The following LHFPL6 variants were observed in gnomAD, a reference collection of about 807,000 sequenced individuals.
The protein encoded by LHFPL6 is LHFPL tetraspan subfamily member 6 protein.
A neutral mutation model predicts 20.6 loss-of-function variants in LHFPL6; 9 were observed. That is an observed-to-expected ratio of 0.44 (90% confidence interval 0.26 to 0.76). LHFPL6 has a LOEUF of 0.76. Among genes scored for constraint, LHFPL6 ranks in the 30% least tolerant of loss-of-function variants. LHFPL6 has a pLI of 0.20. For missense variants in LHFPL6, 218 were observed against 253.5 expected (o/e 0.86, Z 0.95); for synonymous variants, 105 against 98.7 (o/e 1.06, Z -0.38).
intron 3 of LHFPL6, among the ~76,000 whole-genome samples, chr13:39,350,621 C>A (rs1281735218): frequency 6.6e-6 from 1 of 152,210 alleles, no homozygotes; most frequent in Non-Finnish European, 1.5e-5. Flanking sequence ...GTGATCCTTT[C>A]AGGAAATTAG....
At chr13:39,483,592 T>C (rs1485675756) in intron 2 of LHFPL6, among the ~76,000 whole-genome samples, 2 of 151,970 alleles carry the variant, frequency 1.3e-5, no homozygotes, top group Non-Finnish European at 2.9e-5. Context: ...TGTTTTGCTA[T>C]AGATTCCTTT....
intron 2 of LHFPL6, among the ~76,000 whole-genome samples, chr13:39,491,129 G>A (rs1868911849): frequency 6.6e-6 from 1 of 152,164 alleles, no homozygotes; most frequent in Non-Finnish European, 1.5e-5. Context: ...AACGAGAAAC[G>A]TATTTGCAAG....
At chr13:39,381,424 G>GT (rs1335205446) in intron 2 of LHFPL6, among the ~76,000 whole-genome samples, 1 of 152,130 alleles carries the variant, frequency 6.6e-6, no homozygotes, top group Non-Finnish European at 1.5e-5. Flanking sequence ...AGGGACCTTG[G>GT]TTTTAACAAT....
chr13:39,409,571 A>G (rs1466693821), intron 2 of LHFPL6, among the ~76,000 whole-genome samples: 4 of 152,234 alleles, frequency 2.6e-5, no homozygotes, highest in Non-Finnish European at 5.9e-5. Flanking sequence ...GAAGGGTTTC[A>G]GGGACTTATA....
At chr13:39,397,310 A>T (rs1032270724) in intron 2 of LHFPL6, among the ~76,000 whole-genome samples, 5 of 152,156 alleles carry the variant, frequency 3.3e-5, no homozygotes, top group Non-Finnish European at 7.3e-5. Context: ...CTAGACTCAG[A>T]TGCCACACAT....
intron 3 of LHFPL6, among the ~76,000 whole-genome samples, chr13:39,367,059 C>T (rs1330930360): frequency 2.0e-5 from 3 of 152,164 alleles, no homozygotes; most frequent in South Asian, 4.1e-4. Context: ...TCTCCAACAG[C>T]GGCACTAATG....
chr13:39,474,759 C>T (rs1340390609), intron 2 of LHFPL6, among the ~76,000 whole-genome samples: 3 of 152,004 alleles, frequency 2.0e-5, no homozygotes, highest in Admixed American at 1.3e-4. Context: ...CCACAGGGAG[C>T]TCACGGACCC....
At chr13:39,522,950 C>T (rs1389399198) in intron 2 of LHFPL6, among the ~76,000 whole-genome samples, 1 of 152,142 alleles carries the variant, frequency 6.6e-6, no homozygotes, top group African/African-American at 2.4e-5. Context: ...TTGAAACTAA[C>T]ATGGTTGGAA....
intron 2 of LHFPL6, among the ~76,000 whole-genome samples, chr13:39,493,634 A>T (rs887176443): frequency 1.3e-5 from 2 of 152,204 alleles, no homozygotes; most frequent in Non-Finnish European, 2.9e-5. Context: ...AAATACTAGC[A>T]ATGGTTGTCC....
chr13:39,387,633 T>C (rs1480137946), intron 2 of LHFPL6, among the ~76,000 whole-genome samples: 2 of 151,728 alleles, frequency 1.3e-5, no homozygotes, highest in Non-Finnish European at 2.9e-5. Flanking sequence ...AGCAGGCCTA[T>C]GCTCATAAAT....
chr13:39,349,027 C>T (rs1455120440), intron 3 of LHFPL6, among the ~76,000 whole-genome samples: 1 of 151,938 alleles, frequency 6.6e-6, no homozygotes, highest in Non-Finnish European at 1.5e-5. Context: ...GAAAATATGG[C>T]CACCAATCAG....
intron 2 of LHFPL6, among the ~76,000 whole-genome samples, chr13:39,580,169 A>G (rs1019361252): frequency 6.6e-6 from 1 of 152,166 alleles, no homozygotes; most frequent in South Asian, 2.1e-4. Flanking sequence ...CTATAAACAC[A>G]TGAAAGCATA....
At chr13:39,377,539 T>A (rs1870321032) in intron 3 of LHFPL6, among the ~76,000 whole-genome samples, 2 of 152,290 alleles carry the variant, frequency 1.3e-5, no homozygotes, top group South Asian at 2.1e-4. Context: ...CAACAGATAC[T>A]GGAATAGACT....
chr13:39,439,284 C>T (rs186298482), intron 2 of LHFPL6, among the ~76,000 whole-genome samples: 4 of 152,340 alleles, frequency 2.6e-5, no homozygotes, highest in Non-Finnish European at 4.4e-5. Flanking sequence ...TTGCCTTTAT[C>T]CCCCTTCTTT....
At chr13:39,534,738 T>C (rs1259217592) in intron 2 of LHFPL6, among the ~76,000 whole-genome samples, 1 of 152,160 alleles carries the variant, frequency 6.6e-6, no homozygotes, top group African/African-American at 2.4e-5. Flanking sequence ...TTTTACTATA[T>C]ACCCTTTTAT....
chr13:39,426,668 A>G lies in LHFPL6; in HGVS notation c.386-48142T>C, dbSNP rs145561072. On this transcript the variant is annotated intron_variant, in intron 2 of 3. Transcript: ENST00000379589. ...CGGTGCACCACATATTAAAACTTCA[A>G]TCTTTCTTATGGCTGAATAATATTC... 9.1e-3 allele frequency among the ~76,000 whole-genome samples: 1,387 copies of G among 152,288 alleles called. 24 individuals carry two copies. Among genetic ancestry groups the G allele is most frequent in the African/African-American group, 0.032 (1,314 of 41,560 alleles).
intron 2 of LHFPL6, among the ~76,000 whole-genome samples, chr13:39,548,542 T>C (rs1238834358): frequency 6.6e-6 from 1 of 152,110 alleles, no homozygotes; most frequent in Non-Finnish European, 1.5e-5. Flanking sequence ...GATGAGCTTT[T>C]TCCCTTATTA....
chr13:39,352,972 C>CCCACACATATATATATATAT, intron 3 of LHFPL6, among the ~76,000 whole-genome samples: 1 of 69,138 alleles, frequency 1.4e-5, no homozygotes, highest in South Asian at 6.4e-4. Context: ...CACACACACA[C>CCCACACATATATATATATAT]ATATATATAT....
intron 2 of LHFPL6, among the ~76,000 whole-genome samples, chr13:39,415,438 T>C (rs1380755677): frequency 6.6e-6 from 1 of 152,022 alleles, no homozygotes; most frequent in East Asian, 1.9e-4. Flanking sequence ...AACTCAGGTC[T>C]GTGTTCAACA....
Sources: allele counts gnomAD v4.1 joint callset (sites outside exome capture counted in the v4.1 genomes callset), GRCh38; gene constraint gnomAD v4.1.1; transcripts MANE v1.5; gene names NCBI Gene and HGNC (gene_info 2026-07-23, HGNC 2026-07-21).